Variants in HSD17B2 observed in about 807,000 individuals in gnomAD.
HSD17B2 encodes hydroxysteroid 17-beta dehydrogenase 2.
In HSD17B2, 32 loss-of-function variants were observed where a neutral mutation model predicts 26.9. The ratio of observed to expected loss-of-function variants is 1.19; its 90% CI spans 0.90 to 1.60. The LOEUF is 1.60. HSD17B2 is among the 40% of genes most tolerant of loss of function. HSD17B2 has a pLI of 0.00. For missense variants in HSD17B2, 613 were observed against 468.6 expected (o/e 1.31, Z -2.85); for synonymous variants, 246 against 186.7 (o/e 1.32, Z -2.59).
At chr16:82,046,076 A>G (rs1913918322) in intron 1 of HSD17B2, among the ~76,000 whole-genome samples, 1 of 152,222 alleles carries the variant, frequency 6.6e-6, no homozygotes, top group Admixed American at 6.5e-5. Context: ...GACTGGGAGC[A>G]GGATGTGTGA....
At chr16:82,040,760 T>G (rs1044624933) in intron 1 of HSD17B2, among the ~76,000 whole-genome samples, 2 of 152,194 alleles carry the variant, frequency 1.3e-5, no homozygotes, top group Non-Finnish European at 1.5e-5. Flanking sequence ...ATTTGAGACA[T>G]GCCATGTGCT....
chr16:82,073,487 G>T (rs1914744841), intron 3 of HSD17B2, among the ~76,000 whole-genome samples: 1 of 152,036 alleles, frequency 6.6e-6, no homozygotes, highest in Non-Finnish European at 1.5e-5. Flanking sequence ...GCCCCCCAAA[G>T]TTCTGGGCAT....
At chr16:82,061,476 G>C (rs1914436909) in intron 1 of HSD17B2, among the ~76,000 whole-genome samples, 1 of 152,112 alleles carries the variant, frequency 6.6e-6, no homozygotes, top group Non-Finnish European at 1.5e-5. Context: ...GACAGAGCTG[G>C]GATTTGAACC....
intron 1 of HSD17B2, among the ~76,000 whole-genome samples, chr16:82,040,494 C>G (rs1913737901): frequency 6.6e-6 from 1 of 152,214 alleles, no homozygotes; most frequent in Non-Finnish European, 1.5e-5. Context: ...AGATCAGATC[C>G]ATCTCTCACC....
intron 1 of HSD17B2, among the ~76,000 whole-genome samples, chr16:82,043,249 A>G (rs924226765): frequency 2.0e-5 from 3 of 152,110 alleles, no homozygotes; most frequent in Non-Finnish European, 4.4e-5. Context: ...CAATGTGGGG[A>G]CTGGGGCTCC....
chr16:82,040,960 G>A lies in HSD17B2; in HGVS notation c.265+5271G>A, dbSNP rs576937496. On this transcript the variant is annotated intron_variant, in intron 1 of 4. Transcript: ENST00000199936. ...GAGTCTATAATTCAGTCTACCAGAT[G>A]ATTTTTACATGAACAAATGTCCCCA... is the stretch of plus-strand genomic sequence containing the variant. Among the ~76,000 whole-genome samples, 265 of 152,276 alleles carry A rather than the reference G, an allele frequency of 1.7e-3. 3 individuals carry two copies. Among genetic ancestry groups the A allele is most frequent in the African/African-American group, 5.8e-3 (242 of 41,520 alleles).
chr16:82,081,857 G>A (rs1338977824), intron 3 of HSD17B2, among the ~76,000 whole-genome samples: 3 of 152,094 alleles, frequency 2.0e-5, no homozygotes, highest in Admixed American at 6.6e-5. Context: ...ATTGCCCATC[G>A]ATGATAGATT....
At chr16:82,080,421 A>G (rs1904348089) in intron 3 of HSD17B2, among the ~76,000 whole-genome samples, 1 of 152,182 alleles carries the variant, frequency 6.6e-6, no homozygotes, top group Non-Finnish European at 1.5e-5. Context: ...AAACTGGAAG[A>G]TGGTACCTAG....
chr16:82,073,557 C>A (rs958466862), intron 3 of HSD17B2, among the ~76,000 whole-genome samples: 5 of 152,156 alleles, frequency 3.3e-5, no homozygotes, highest in African/African-American at 9.7e-5. Flanking sequence ...CTATGTCCAT[C>A]TATTTTCTTA....
intron 1 of HSD17B2, among the ~76,000 whole-genome samples, chr16:82,054,127 A>T (rs1914192810): frequency 6.6e-6 from 1 of 151,450 alleles, no homozygotes; most frequent in Admixed American, 6.6e-5. Flanking sequence ...ATGAACTCTC[A>T]TCTCTCATTC....
At chr16:82,069,096 G>T (rs1597131314) in intron 2 of HSD17B2, among the ~76,000 whole-genome samples, 1 of 152,022 alleles carries the variant, frequency 6.6e-6, no homozygotes, top group African/African-American at 2.4e-5. Flanking sequence ...CCAAGTGTGG[G>T]TTGTTCCCCA....
chr16:82,070,812 G>T (rs1011593842), intron 2 of HSD17B2, 130 bp from the exon 3 acceptor site: 13 of 793,486 alleles, frequency 1.6e-5, no homozygotes, highest in Non-Finnish European at 2.2e-5. Context: ...CCTTTGTCCA[G>T]TGGCAGACTC....
intron 1 of HSD17B2, among the ~76,000 whole-genome samples, chr16:82,036,921 C>T (rs915216470): frequency 2.0e-5 from 3 of 152,130 alleles, no homozygotes; most frequent in African/African-American, 7.2e-5. Context: ...GTGTCCTGTT[C>T]TGTTATGAAA....
intron 3 of HSD17B2, among the ~76,000 whole-genome samples, chr16:82,084,526 C>T (rs1904468055): frequency 1.3e-5 from 2 of 151,950 alleles, no homozygotes; most frequent in African/African-American, 2.4e-5. Flanking sequence ...ATCACAGTTG[C>T]CTGCCACATC....
chr16:82,055,283 G>A (rs1006536672), intron 1 of HSD17B2, among the ~76,000 whole-genome samples: 3 of 152,126 alleles, frequency 2.0e-5, no homozygotes, highest in African/African-American at 7.2e-5. Flanking sequence ...CCCTGTGCCT[G>A]GTGCACTCTT....
At chr16:82,054,331 C>T (rs1914200676) in intron 1 of HSD17B2, among the ~76,000 whole-genome samples, 1 of 151,972 alleles carries the variant, frequency 6.6e-6, no homozygotes, top group South Asian at 2.1e-4. Context: ...ATTAGACTGC[C>T]CCATTCTTTT....
At chr16:82,073,370 G>GC (rs1346036284) in intron 3 of HSD17B2, among the ~76,000 whole-genome samples, 1 of 151,784 alleles carries the variant, frequency 6.6e-6, no homozygotes, top group Non-Finnish European at 1.5e-5. Context: ...GACTACAGAC[G>GC]CCCCCACCAC....
intron 3 of HSD17B2, among the ~76,000 whole-genome samples, chr16:82,078,843 A>G (rs1904318785): frequency 6.6e-6 from 1 of 152,216 alleles, no homozygotes; most frequent in South Asian, 2.1e-4. Context: ...TCATGGAGAT[A>G]GAGTAGAAGG....
At position 82,071,074 on chromosome 16, in the gene HSD17B2, T is replaced by A. The variant is rs770240144; in HGVS notation, c.611T>A (p.Leu204Ter). 3.7e-6 allele frequency: 6 copies of A among 1,614,238 alleles called. No individual in the cohort carries two copies. Among genetic ancestry groups the A allele is most frequent in the Non-Finnish European group, 5.1e-6 (6 of 1,180,042 alleles). Residue 204 changes from leucine to a stop codon, truncating the protein, a stop_gained, in exon 3 of 5, where the codon TTG becomes TAG. Transcript: ENST00000199936. LOFTEE classifies it high-confidence loss of function. ...FGTVEVTKTFLPLLRKSKGRL... is the reference protein window; with the variant it reads ...FGTVEVTKTF The stretch of plus-strand genomic sequence containing the variant: ...ACTGTGGAGGTCACAAAGACGTTTT[T>A]GCCTCTTCTTAGAAAATCCAAAGGG...
Sources: gnomAD v4.1 joint callset for allele counts (sites outside exome capture counted in the v4.1 genomes callset) on GRCh38, gnomAD v4.1.1 for gene constraint, MANE v1.5 for transcripts, NCBI Gene and HGNC (gene_info 2026-07-23, HGNC 2026-07-21) for gene names.